Variants in LTBP2 observed in about 807,000 individuals in gnomAD.
LTBP2 encodes latent-transforming growth factor beta-binding protein 2.
A neutral mutation model predicts 210.6 loss-of-function variants in LTBP2; 103 were observed. The ratio of observed to expected loss-of-function variants is 0.49; its 90% confidence interval spans 0.42 to 0.58. The LOEUF (loss-of-function observed/expected upper bound fraction) is 0.58, where lower values mean the gene tolerates loss of function less well. Ranked by LOEUF, LTBP2 falls within the 20% of genes least tolerant of loss-of-function variation. LTBP2 has a pLI of 0.00. For synonymous variants in LTBP2, 1,007 were observed against 1,015.0 expected (o/e 0.99, Z 0.15); for missense variants, 2,313 against 2,494.5 (o/e 0.93, Z 1.55).
At chr14:74,542,498 G>A (rs1346546428) in intron 8 of LTBP2, among the ~76,000 whole-genome samples, 2 of 152,220 alleles carry the variant, frequency 1.3e-5, no homozygotes, top group African/African-American at 4.8e-5. Flanking sequence ...CCTGCAGCAG[G>A]GAGATGTGAA....
At chr14:74,519,385 C>T (rs1045712476) in intron 17 of LTBP2, among the ~76,000 whole-genome samples, 5 of 151,824 alleles carry the variant, frequency 3.3e-5, no homozygotes, top group Non-Finnish European at 7.4e-5. Context: ...AAAATGGGAG[C>T]CAGCAGTTTA....
At chr14:74,545,580 G>A (rs967278429) in intron 8 of LTBP2, among the ~76,000 whole-genome samples, 5 of 152,228 alleles carry the variant, frequency 3.3e-5, no homozygotes, top group South Asian at 2.1e-4. Flanking sequence ...TGCCAGCCCC[G>A]CCTGTCCCAG....
In LTBP2 at chr14:74,503,003, C is replaced by T. The variant is rs1197499676; in HGVS notation, c.4889-69G>A. On this transcript the variant is annotated intron_variant, in intron 33 of 35. Coordinates refer to ENST00000261978, the MANE Select transcript of LTBP2 (RefSeq NM_000428.3). ...CCAGCTAAAGCCTGGCTGGCTTTGTCTCTGGGAGCATGCAAGGACTGGTAC... is the reference window on the plus strand; with the variant it reads ...CCAGCTAAAGCCTGGCTGGCTTTGTTTCTGGGAGCATGCAAGGACTGGTAC... 3.8e-6 allele frequency: 6 copies of T among 1,590,510 alleles called. No individual in the cohort carries two copies. The East Asian group carries it at 6.7e-5, about 18-fold the overall frequency.
chr14:74,512,146 T>C (rs1255171168), intron 18 of LTBP2, among the ~76,000 whole-genome samples: 2 of 152,124 alleles, frequency 1.3e-5, no homozygotes, highest in Non-Finnish European at 2.9e-5. Flanking sequence ...ACCTGGCATA[T>C]CATGGGCTTC....
intron 8 of LTBP2, 67 bp downstream of exon 8, chr14:74,549,796 T>A: frequency 7.4e-7 from 1 of 1,348,602 alleles, no homozygotes; most frequent in Non-Finnish European, 1.1e-6. Context: ...GGGGAAACCC[T>A]GGCAGGAGAG....
rs562994069 is a variant in LTBP2 at position 74,535,191 on chromosome 14, C to A, written c.1864+735G>T. Reference sequence around the variant, plus strand: ...TAGGAATCACTTCTGCAGCCTGGCACCCCCAAGGAAGACAGCCCAGCCATG... The same window carrying A: ...TAGGAATCACTTCTGCAGCCTGGCAACCCCAAGGAAGACAGCCCAGCCATG... On this transcript the variant is annotated intron_variant, in intron 9 of 35. Transcript: ENST00000261978. Among the ~76,000 whole-genome samples, 5 of 152,212 alleles carry A rather than the reference C, an allele frequency of 3.3e-5. No individual in the cohort carries two copies. In the East Asian group the frequency reaches 9.7e-4, roughly 29 times the overall value.
intron 2 of LTBP2, among the ~76,000 whole-genome samples, chr14:74,598,964 C>G (rs1467303790): frequency 6.6e-6 from 1 of 152,192 alleles, no homozygotes; most frequent in East Asian, 1.9e-4. Flanking sequence ...GACAGCCGAC[C>G]TCATTTGTAA....
Position 74,508,700 on chromosome 14 carries a change from A to G in LTBP2, c.3556T>C (p.Cys1186Arg), listed in dbSNP as rs868155370. Residue 1186 changes from cysteine (C) to arginine (R), a missense_variant, in exon 24 of 36, where the codon TGC becomes CGC. Transcript: ENST00000261978. ...DVNECMGEEHCAPHGECLNSH... is the reference protein window; with the variant it reads ...DVNECMGEEHRAPHGECLNSH... ...TTGAGGCACTCGCCGTGGGGTGCGCAGTGCTCCTCCCCCATGCACTCATTC... is the reference window on the plus strand; with the variant it reads ...TTGAGGCACTCGCCGTGGGGTGCGCGGTGCTCCTCCCCCATGCACTCATTC... 6.2e-7 allele frequency: 1 copy of G among 1,613,774 alleles called. No homozygotes were observed. Among genetic ancestry groups the G allele is most frequent in the Non-Finnish European group, 8.5e-7 (1 of 1,179,980 alleles).
intron 3 of LTBP2, among the ~76,000 whole-genome samples, chr14:74,564,917 C>T (rs965711399): frequency 2.6e-5 from 4 of 152,148 alleles, no homozygotes; most frequent in African/African-American, 9.7e-5. Flanking sequence ...CCTAAATCTA[C>T]CATTAATCGT....
intron 3 of LTBP2, among the ~76,000 whole-genome samples, chr14:74,566,654 T>C (rs1207522070): frequency 6.6e-6 from 1 of 152,164 alleles, no homozygotes; most frequent in Non-Finnish European, 1.5e-5. Flanking sequence ...AGAGCCTGGA[T>C]TGGAATCTGT....
At chr14:74,515,050 G>A (rs2087117866) in intron 18 of LTBP2, among the ~76,000 whole-genome samples, 1 of 152,154 alleles carries the variant, frequency 6.6e-6, no homozygotes, top group African/African-American at 2.4e-5. Context: ...CCCTCTGACA[G>A]TAACATTTCC....
At chr14:74,609,975 C>T (rs1303917218) in intron 1 of LTBP2, among the ~76,000 whole-genome samples, 2 of 152,196 alleles carry the variant, frequency 1.3e-5, no homozygotes, top group African/African-American at 4.8e-5. Flanking sequence ...TTGAATGATC[C>T]TATGTGTAAG....
At chr14:74,531,851 C>T (rs553355213) in intron 10 of LTBP2, among the ~76,000 whole-genome samples, 1 of 152,374 alleles carries the variant, frequency 6.6e-6, no homozygotes, top group Admixed American at 6.5e-5. Flanking sequence ...CCCTGGAAAC[C>T]ACAGAGGTCT....
At chr14:74,542,916 G>A (rs900389042) in intron 8 of LTBP2, among the ~76,000 whole-genome samples, 13 of 151,912 alleles carry the variant, frequency 8.6e-5, no homozygotes, top group African/African-American at 1.7e-4. Context: ...ACAGCCACGC[G>A]CTGCCACACC....
chr14:74,540,809 A>ATTTT (rs1491126915), intron 8 of LTBP2, among the ~76,000 whole-genome samples: 2 of 63,816 alleles, frequency 3.1e-5, no homozygotes, highest in African/African-American at 1.1e-4. Flanking sequence ...ATATATATAT[A>ATTTT]ATATATATAT....
At chr14:74,503,784 C>T in intron 31 of LTBP2, 142 bp downstream of exon 31, 1 of 1,419,490 alleles carries the variant, frequency 7.0e-7, no homozygotes, top group East Asian at 2.5e-5. Context: ...ACAGCTCCTT[C>T]ACCTGGGACC....
At position 74,561,391 on chromosome 14, in the gene LTBP2, A is replaced by C. The variant is rs144439667; in HGVS notation, c.831-5698T>G. ...TGAAGCCAGATATTTTATATACATC[A>C]TCTTATCTATGTTATTTTAGTGAAT... On this transcript the variant is annotated intron_variant, in intron 3 of 35. Transcript: ENST00000261978. Among the ~76,000 whole-genome samples the C allele has an allele frequency of 2.0e-4, 31 of 152,360 alleles. No homozygotes were observed. In the East Asian group the frequency reaches 5.8e-3, roughly 28 times the overall value.
Position 74,516,165 on chromosome 14 carries a change from C to T in LTBP2, c.2908+657G>A, listed in dbSNP as rs139428788. ...CATTTCTTCCTGTCCCAGCCAGTCT[C>T]GAGAGCAAATGCCCTGGGCCTCCTA... is the stretch of plus-strand genomic sequence containing the variant. On this transcript the variant is annotated intron_variant, in intron 18 of 35. Transcript: ENST00000261978. Among the ~76,000 whole-genome samples, 206 of 152,330 alleles carry T rather than the reference C, an allele frequency of 1.4e-3. 1 individual carries two copies. Among genetic ancestry groups the T allele is most frequent in the African/African-American group, 4.8e-3 (201 of 41,578 alleles).
intron 3 of LTBP2, among the ~76,000 whole-genome samples, chr14:74,580,702 G>A (rs894734256): frequency 6.6e-5 from 10 of 152,286 alleles, no homozygotes; most frequent in African/African-American, 2.2e-4. Flanking sequence ...AGTGGCTCAC[G>A]CCTGTAATCC....
Sources: allele counts gnomAD v4.1 joint callset (sites outside exome capture counted in the v4.1 genomes callset), GRCh38; gene constraint gnomAD v4.1.1; transcripts MANE v1.5; gene names NCBI Gene and HGNC (gene_info 2026-07-23, HGNC 2026-07-21).